The following SLC4A8 variants were observed in gnomAD, a reference collection of about 807,000 sequenced individuals.
SLC4A8 encodes the protein electroneutral sodium bicarbonate exchanger 1.
SLC4A8 carries 40 observed loss-of-function variants against 125.0 expected under a neutral mutation model. The ratio of observed to expected loss-of-function variants is 0.32; its 90% CI spans 0.25 to 0.42. SLC4A8 has a LOEUF of 0.42. SLC4A8 is among the 10% of genes least tolerant of loss of function. The pLI, the probability that SLC4A8 is intolerant of heterozygous loss-of-function variation, is 1.00. For missense variants in SLC4A8, 863 were observed against 1,355.1 expected (o/e 0.64, Z 5.70); for synonymous variants, 456 against 476.0 (o/e 0.96, Z 0.55).
intron 11 of SLC4A8, among the ~76,000 whole-genome samples, chr12:51,464,453 G>C (rs553747085): frequency 6.6e-6 from 1 of 152,256 alleles, no homozygotes; most frequent in East Asian, 1.9e-4. Flanking sequence ...AACATTTTAA[G>C]GACAGATGTC....
At chr12:51,498,133 T>C (rs1022136753) in intron 22 of SLC4A8, among the ~76,000 whole-genome samples, 1 of 151,930 alleles carries the variant, frequency 6.6e-6, no homozygotes, top group Non-Finnish European at 1.5e-5. Context: ...TCAACAATTA[T>C]AAAATATAAA....
intron 1 of SLC4A8, among the ~76,000 whole-genome samples, chr12:51,409,828 C>G (rs1296735933): frequency 1.3e-5 from 2 of 152,194 alleles, no homozygotes; most frequent in Admixed American, 1.3e-4. Flanking sequence ...TGGTGAAGCA[C>G]CAGCAGTTGA....
chr12:51,436,707 ATC>A (rs1404461504), intron 1 of SLC4A8, among the ~76,000 whole-genome samples: 1 of 152,100 alleles, frequency 6.6e-6, no homozygotes, highest in African/African-American at 2.4e-5. Context: ...GCTCACTGCA[ATC>A]TCTGCCTCCT....
chr12:51,488,604 A>T, intron 17 of SLC4A8, 95 bp from the exon 18 acceptor site: 1 of 936,952 alleles, frequency 1.1e-6, no homozygotes, highest in Non-Finnish European at 1.5e-6. Context: ...CTCACTCAAG[A>T]ATAAAAAGAA....
intron 17 of SLC4A8, 96 bp downstream of exon 17, chr12:51,485,996 T>A (rs944099157): frequency 1.4e-6 from 1 of 705,148 alleles, no homozygotes; most frequent in Non-Finnish European, 2.5e-6. Flanking sequence ...TAATCCTGAG[T>A]TTTACAGTCC....
chr12:51,489,955 A>G lies in SLC4A8; in HGVS notation c.2700+4A>G. 6.2e-7 allele frequency: 1 copy of G among 1,613,402 alleles called. No individual in the cohort carries two copies. ...CTTCATGACGGCTATCTTAAAGGTAATCATCCTTTCAGTCATTCAGCAAAT... is the reference window on the plus strand; with the variant it reads ...CTTCATGACGGCTATCTTAAAGGTAGTCATCCTTTCAGTCATTCAGCAAAT... On this transcript the variant is annotated splice_donor_region_variant and intron_variant, in intron 19 of 24. Transcript: ENST00000453097.
intron 19 of SLC4A8, among the ~76,000 whole-genome samples, chr12:51,492,849 C>T (rs1032667916): frequency 2.0e-5 from 3 of 151,504 alleles, no homozygotes; most frequent in Non-Finnish European, 2.9e-5. Context: ...TTGCCCCCCA[C>T]CCCCCAACAG....
intron 2 of SLC4A8, among the ~76,000 whole-genome samples, chr12:51,447,056 G>GTCTGTCTATCTA (rs1949793767): frequency 8.1e-5 from 12 of 147,320 alleles, no homozygotes; most frequent in Non-Finnish European, 1.2e-4. Context: ...CTGTCTGTCT[G>GTCTGTCTATCTA]TCTATCTATC....
chr12:51,417,350 A>AT lies in SLC4A8; in HGVS notation c.-111-23344dup, dbSNP rs753191543. ...AACACCACGGCTGGCTAGTTTTTGA[A>AT]TTTTTTTTTTTTTTGAGATGGAGTC... On this transcript the variant is annotated intron_variant, in intron 1 of 24. Transcript: ENST00000358657. Among the ~76,000 whole-genome samples, 555 of 143,070 alleles carry AT rather than the reference A, an allele frequency of 3.9e-3. 2 individuals are homozygous for AT. Among genetic ancestry groups the AT allele is most frequent in the African/African-American group, 5.1e-3 (198 of 39,194 alleles). The allele number at this position is 143,070 out of a possible 152,430, so 93.9% of individuals were successfully genotyped here.
At chr12:51,413,665 A>G (rs906506902) in intron 1 of SLC4A8, among the ~76,000 whole-genome samples, 2 of 152,162 alleles carry the variant, frequency 1.3e-5, no homozygotes, top group Non-Finnish European at 2.9e-5. Flanking sequence ...CCATTTATTG[A>G]AGAGGGTGTC....
At chr12:51,447,973 C>T (rs1287366729) in intron 2 of SLC4A8, among the ~76,000 whole-genome samples, 1 of 152,166 alleles carries the variant, frequency 6.6e-6, no homozygotes, top group Non-Finnish European at 1.5e-5. Flanking sequence ...CCTGCCTCGG[C>T]CTCCCAAAGT....
At chr12:51,476,428 CT>C (rs1950857197) in intron 16 of SLC4A8, among the ~76,000 whole-genome samples, 1 of 151,958 alleles carries the variant, frequency 6.6e-6, no homozygotes, top group African/African-American at 2.4e-5. Flanking sequence ...TTGTAGTGAG[CT>C]GTGATTGCAC....
chr12:51,413,420 A>T (rs1948628905), intron 1 of SLC4A8, among the ~76,000 whole-genome samples: 1 of 152,090 alleles, frequency 6.6e-6, no homozygotes, highest in African/African-American at 2.4e-5. Context: ...TTACTTTAAT[A>T]TAGTCCCATT....
chr12:51,400,006 T>C (rs1431157544), intron 1 of SLC4A8, among the ~76,000 whole-genome samples: 1 of 149,968 alleles, frequency 6.7e-6, no homozygotes, highest in Non-Finnish European at 1.5e-5. Flanking sequence ...AAAAACCATG[T>C]TGGCACTGTC....
intron 1 of SLC4A8, among the ~76,000 whole-genome samples, chr12:51,438,735 T>G (rs1443072126): frequency 1.3e-5 from 2 of 152,188 alleles, no homozygotes; most frequent in Admixed American, 1.3e-4. Context: ...CTAGTTTATA[T>G]TCCCACCAAC....
chr12:51,497,030 T>C lies in SLC4A8; in HGVS notation c.2987T>C (p.Phe996Ser), dbSNP rs1486067181. The C allele has an allele frequency of 6.2e-7, 1 of 1,614,092 alleles. No homozygotes were observed. Residue 996 changes from phenylalanine (F) to serine (S), a missense_variant, in exon 22 of 25, where the codon TTC becomes TCC. By Grantham distance (155) the Phe-to-Ser change is radical. Coordinates refer to ENST00000453097, the MANE Select transcript of SLC4A8 (RefSeq NM_001039960.3). ...GTCAGGAAAGTCATGGATCTCTGTT[T>C]CTCTAAGCGAGAGCTGAGCTGGCTA... ...VFVRKVMDLC[F>S]SKRELSWLDD... is the part of the protein sequence containing the mutation.
intron 21 of SLC4A8, among the ~76,000 whole-genome samples, chr12:51,495,470 C>CCT (rs1951436128): frequency 2.6e-5 from 2 of 76,276 alleles, no homozygotes; most frequent in African/African-American, 1.0e-4. Context: ...TTTCTTTCTT[C>CCT]TTTTTTTTTT....
chr12:51,414,583 T>C (rs1948650782), intron 1 of SLC4A8, among the ~76,000 whole-genome samples: 1 of 152,112 alleles, frequency 6.6e-6, no homozygotes, highest in South Asian at 2.1e-4. Flanking sequence ...AGATCTCGTC[T>C]CTACAAAAAA....
At chr12:51,458,869 C>T (rs1266952795) in intron 7 of SLC4A8, among the ~76,000 whole-genome samples, 3 of 152,252 alleles carry the variant, frequency 2.0e-5, no homozygotes, top group African/African-American at 4.8e-5. Context: ...CCAGATTCAA[C>T]ATACTGAAAA....
Sources: allele counts gnomAD v4.1 joint callset (sites outside exome capture counted in the v4.1 genomes callset), GRCh38; gene constraint gnomAD v4.1.1; transcripts MANE v1.5; gene names NCBI Gene and HGNC (gene_info 2026-07-23, HGNC 2026-07-21).